The following SGCD variants were observed in gnomAD, a reference collection of about 807,000 sequenced individuals.
The protein encoded by SGCD is sarcoglycan delta.
A neutral mutation model predicts 36.6 loss-of-function variants in SGCD; 18 were observed. That is an observed-to-expected ratio of 0.49 (90% CI 0.34 to 0.73). SGCD has a LOEUF of 0.73. Among genes scored for constraint, SGCD ranks in the 30% least tolerant of loss-of-function variants. The pLI is 0.01. For missense variants in SGCD, 387 were observed against 346.7 expected, an observed-to-expected ratio of 1.12 and a Z score of -0.92; for synonymous variants, 133 against 130.6, an observed-to-expected ratio of 1.02 and a Z score of -0.12.
intron 1 of SGCD, among the ~76,000 whole-genome samples, chr5:156,070,473 G>T (rs556929405): frequency 3.3e-5 from 5 of 150,014 alleles, no homozygotes; most frequent in African/African-American, 1.3e-4. Context: ...GCATCCCAGG[G>T]ATGAAGCCCA....
At chr5:156,412,933 C>T (rs2127770920) in intron 3 of SGCD, among the ~76,000 whole-genome samples, 1 of 151,606 alleles carries the variant, frequency 6.6e-6, no homozygotes, top group African/African-American at 2.4e-5. Flanking sequence ...GTAGCTGGGA[C>T]TACAGGCGCC....
intron 1 of SGCD, among the ~76,000 whole-genome samples, chr5:156,057,269 C>A (rs913718354): frequency 6.8e-6 from 1 of 146,340 alleles, no homozygotes; most frequent in East Asian, 1.9e-4. Flanking sequence ...GATAAACTTG[C>A]AACACTATAA....
intron 1 of SGCD, among the ~76,000 whole-genome samples, chr5:155,881,151 A>C (rs765143505): frequency 6.6e-6 from 1 of 152,138 alleles, no homozygotes; most frequent in Non-Finnish European, 1.5e-5. Flanking sequence ...TTTTCAATCT[A>C]TCACAATTTC....
At chr5:156,133,753 A>G (rs982397327) in intron 3 of SGCD, among the ~76,000 whole-genome samples, 1 of 151,948 alleles carries the variant, frequency 6.6e-6, no homozygotes, top group African/African-American at 2.4e-5. Context: ...TTTGACAGTT[A>G]CTGAAAAAAA....
chr5:155,789,520 C>A, the SGCD span, among the ~76,000 whole-genome samples: 3 of 151,944 alleles, frequency 2.0e-5, no homozygotes, highest in African/African-American at 7.2e-5. Flanking sequence ...CTAATAGACA[C>A]CCTGATGAAC....
chr5:156,425,771 T>A (rs762981186), intron 3 of SGCD, among the ~76,000 whole-genome samples: 13 of 152,056 alleles, frequency 8.5e-5, no homozygotes, highest in Non-Finnish European at 1.3e-4. Context: ...CTTCGTATTC[T>A]CATAGCTTAG....
intron 1 of SGCD, among the ~76,000 whole-genome samples, chr5:156,042,778 G>A (rs184484821): frequency 8.5e-4 from 130 of 152,260 alleles, no homozygotes; most frequent in Non-Finnish European, 1.2e-3. Context: ...CCAATCTTAG[G>A]TTCTGTAAAT....
At chr5:156,515,777 A>G (rs1336694139) in intron 4 of SGCD, among the ~76,000 whole-genome samples, 8 of 152,202 alleles carry the variant, frequency 5.3e-5, no homozygotes, top group Non-Finnish European at 1.0e-4. Flanking sequence ...GAGATGACCA[A>G]GTTTCCAGAG....
chr5:155,901,561 A>G (rs1028352451), intron 1 of SGCD, among the ~76,000 whole-genome samples: 2 of 152,142 alleles, frequency 1.3e-5, no homozygotes, highest in Admixed American at 1.3e-4. Flanking sequence ...GATCTGAAAC[A>G]AGAACACACC....
rs1429438258 is a variant in SGCD at position 155,981,034 on chromosome 5, G to C, written c.-282+110610G>C. On this transcript the variant is annotated intron_variant, in intron 1 of 9. Transcript: ENST00000517913. ...TCTGAAGGATTCTCTCTGGCTCACA[G>C]GAGAGGTGTGGAAGCAGGAGGAGGT... 8.7e-4 allele frequency among the ~76,000 whole-genome samples: 132 copies of C among 152,218 alleles called. 1 individual carries two copies. The highest frequency in any genetic ancestry group is 1.3e-4 in the Non-Finnish European group (9 of 68,042).
At chr5:156,246,620 A>T (rs2127658717) in intron 3 of SGCD, among the ~76,000 whole-genome samples, 1 of 152,338 alleles carries the variant, frequency 6.6e-6, no homozygotes, top group Non-Finnish European at 1.5e-5. Flanking sequence ...AATATGCTAA[A>T]GCCGGAGAAA....
rs1487277916 is a variant in SGCD at position 156,158,599 on chromosome 5, G to C, written c.-44+34580G>C. On this transcript the variant is annotated intron_variant, in intron 3 of 9. Coordinates refer to the SGCD transcript ENST00000517913. ...TTCCACATTGGCCACACCCAACCAGGGATGTTGAGGACCAGAGAGCCCATT... is the reference window on the plus strand; with the variant it reads ...TTCCACATTGGCCACACCCAACCAGCGATGTTGAGGACCAGAGAGCCCATT... Among the ~76,000 whole-genome samples the C allele has an allele frequency of 1.3e-5, 2 of 151,468 alleles. 1 individual carries two copies. The highest frequency in any genetic ancestry group is 4.9e-5 in the African/African-American group (2 of 40,800).
chr5:155,947,558 C>T (rs1368327), intron 1 of SGCD, among the ~76,000 whole-genome samples: 29,209 of 151,914 alleles, frequency 0.19, 3,407 homozygotes, highest in Admixed American at 0.38. Flanking sequence ...TTTCTGATCT[C>T]GAGCAGGTTA....
At chr5:156,074,203 G>A (rs950472744) in intron 1 of SGCD, among the ~76,000 whole-genome samples, 4 of 152,208 alleles carry the variant, frequency 2.6e-5, no homozygotes, top group African/African-American at 9.7e-5. Context: ...GATCTCAAAT[G>A]TAGCTCAAGT....
At chr5:156,151,507 C>T (rs1762834668) in intron 3 of SGCD, among the ~76,000 whole-genome samples, 2 of 151,446 alleles carry the variant, frequency 1.3e-5, no homozygotes, top group South Asian at 2.1e-4. Flanking sequence ...ATTTATAGTG[C>T]AGAATTTACA....
chr5:156,642,456 T>G (rs1763062869), intron 6 of SGCD, among the ~76,000 whole-genome samples: 1 of 142,504 alleles, frequency 7.0e-6, no homozygotes. Flanking sequence ...CCTAGCAGCA[T>G]CAGTCTTTTT....
At chr5:156,676,594 G>A (rs897821594) in intron 7 of SGCD, among the ~76,000 whole-genome samples, 7 of 152,184 alleles carry the variant, frequency 4.6e-5, no homozygotes, top group African/African-American at 9.6e-5. Context: ...CTGGCCTTGC[G>A]GTTCACGAAC....
At position 156,054,775 on chromosome 5, in the gene SGCD, T is replaced by C. The variant is rs566807525; in HGVS notation, c.-281-63103T>C. Among the ~76,000 whole-genome samples, 35 of 146,946 alleles carry C rather than the reference T, an allele frequency of 2.4e-4. 4 individuals carry two copies. The highest frequency in any genetic ancestry group is 2.0e-3 in the Admixed American group (29 of 14,780). On this transcript the variant is annotated intron_variant, in intron 1 of 9. Coordinates refer to the SGCD transcript ENST00000517913. ...GCATTTTTGTTTGTCAGGCTAATAT[T>C]AACTCTTGAATTATTCTGATTTATT...
chr5:155,839,515 A>G, the SGCD span, among the ~76,000 whole-genome samples: 8 of 152,278 alleles, frequency 5.3e-5, no homozygotes, highest in Non-Finnish European at 1.5e-5. Context: ...GCTTTGGCAT[A>G]AGGAGTTTTG....
Sources: gnomAD v4.1 joint callset for allele counts (sites outside exome capture counted in the v4.1 genomes callset) on GRCh38, gnomAD v4.1.1 for gene constraint, MANE v1.5 for transcripts, NCBI Gene and HGNC (gene_info 2026-07-23, HGNC 2026-07-21) for gene names.